The following ZBTB7C variants were observed in gnomAD, a reference collection of about 807,000 sequenced individuals.
ZBTB7C encodes the protein zinc finger and BTB domain-containing protein 7C.
A neutral mutation model predicts 25.7 loss-of-function variants in ZBTB7C; 8 were observed. The observed-to-expected ratio is 0.31, with a 90% CI of 0.18 to 0.56. ZBTB7C has a LOEUF of 0.56. ZBTB7C is among the 20% of genes least tolerant of loss of function. The pLI is 0.91. For synonymous variants in ZBTB7C, 394 were observed against 369.0 expected (o/e 1.07, Z -0.78); for missense variants, 824 against 855.2 (o/e 0.96, Z 0.46).
intron 1 of ZBTB7C, among the ~76,000 whole-genome samples, chr18:48,348,973 A>C (rs940791015): frequency 7.2e-5 from 11 of 152,114 alleles, no homozygotes; most frequent in African/African-American, 2.7e-4. Context: ...ACACACACAC[A>C]TGCATCTGGC....
At chr18:48,265,556 G>A (rs911272523) in intron 2 of ZBTB7C, among the ~76,000 whole-genome samples, 1 of 152,176 alleles carries the variant, frequency 6.6e-6, no homozygotes, top group Admixed American at 6.5e-5. Context: ...TGCAGGCAAA[G>A]CACTGAGCCC....
rs776489177 is a variant in ZBTB7C, at chr18:48,040,120, C to T, written c.988G>A (p.Asp330Asn). The T allele has an allele frequency of 8.1e-6, 13 of 1,597,232 alleles. No individual in the cohort carries two copies. The highest frequency in any genetic ancestry group is 4.5e-5 in the East Asian group (2 of 44,778). Residue 330 changes from aspartate (D) to asparagine (N), a missense_variant, in exon 4 of 5, where the codon GAC (aspartate) becomes AAC (asparagine). By Grantham distance (23) the Asp-to-Asn change is conservative. Transcript: ENST00000590800. ...AGGAAGTTGAGATAGGCACCGTAGTCGTTCTCCGCCTTGATGGGTCCCAGA... is the reference window on the plus strand; with the variant it reads ...AGGAAGTTGAGATAGGCACCGTAGTTGTTCTCCGCCTTGATGGGTCCCAGA... ...GPLGPIKAENDYGAYLNFLSA... is the reference protein window; with the variant it reads ...GPLGPIKAENNYGAYLNFLSA...
At chr18:48,212,257 C>T (rs1020178202) in intron 2 of ZBTB7C, among the ~76,000 whole-genome samples, 3 of 151,968 alleles carry the variant, frequency 2.0e-5, no homozygotes, top group Admixed American at 6.6e-5. Context: ...ACTATATGAT[C>T]CTAACTATAT....
intron 3 of ZBTB7C, among the ~76,000 whole-genome samples, chr18:48,122,707 A>G (rs908315084): frequency 6.6e-6 from 1 of 152,206 alleles, no homozygotes; most frequent in Non-Finnish European, 1.5e-5. Flanking sequence ...TGGCCTTCCC[A>G]GTGAATGAAC....
intron 2 of ZBTB7C, among the ~76,000 whole-genome samples, chr18:48,230,115 T>C (rs2043213435): frequency 6.6e-6 from 1 of 152,226 alleles, no homozygotes; most frequent in South Asian, 2.1e-4. Context: ...ATCATTAATG[T>C]TTCTTTGTGC....
In ZBTB7C at chr18:48,069,361, C is replaced by A. The variant is rs2037457429; in HGVS notation, c.-16-28238G>T. Among the ~76,000 whole-genome samples, 4 of 152,240 alleles carry A rather than the reference C, an allele frequency of 2.6e-5. No homozygotes were observed. In the South Asian group the frequency reaches 8.3e-4, roughly 31 times the overall value. ...CTTTGAAAGATCTCCCGATTCTTCTCTTCCCTCTGCGGTCTCTCATCACTG... is the reference window on the plus strand; with the variant it reads ...CTTTGAAAGATCTCCCGATTCTTCTATTCCCTCTGCGGTCTCTCATCACTG... On this transcript the variant is annotated intron_variant, in intron 3 of 4. Coordinates refer to ENST00000590800, the MANE Select transcript of ZBTB7C (RefSeq NM_001318841.2).
In ZBTB7C at chr18:48,327,569, C is replaced by T. The variant is rs113993918; in HGVS notation, c.-79+10605G>A. 5.7e-3 allele frequency among the ~76,000 whole-genome samples: 864 copies of T among 152,312 alleles called. 4 individuals carry two copies. Among genetic ancestry groups the T allele is most frequent in the African/African-American group, 0.02 (821 of 41,584 alleles). On this transcript the variant is annotated intron_variant, in intron 2 of 4. Transcript: ENST00000590800. ...TCCTCACTGTTCCCAGTCTCGATCC[C>T]AGCTTTGGCCCTAGTGCCAAAGCTC...
chr18:48,125,155 G>A (rs910563690), intron 3 of ZBTB7C, among the ~76,000 whole-genome samples: 1 of 152,220 alleles, frequency 6.6e-6, no homozygotes, highest in Non-Finnish European at 1.5e-5. Flanking sequence ...CAGCTCAGAG[G>A]ACAGCTATGA....
At position 48,293,522 on chromosome 18, in the gene ZBTB7C, C is replaced by G. The variant is rs527998979; in HGVS notation, c.-79+44652G>C. ...GCAGCATCTCCCACCCAATTCCCTT[C>G]TCTTTTTGACACAATTTAAATCTGG... On this transcript the variant is annotated intron_variant, in intron 2 of 4. Transcript: ENST00000590800. Among the ~76,000 whole-genome samples, 6 of 152,336 alleles carry G rather than the reference C, an allele frequency of 3.9e-5. No homozygotes were observed. In the East Asian group the frequency reaches 1.2e-3, roughly 29 times the overall value.
intron 3 of ZBTB7C, among the ~76,000 whole-genome samples, chr18:48,179,252 T>A (rs1282645075): frequency 1.3e-5 from 2 of 152,166 alleles, no homozygotes; most frequent in Non-Finnish European, 2.9e-5. Flanking sequence ...GAGGCTTGTC[T>A]TTTCTGAGGA....
chr18:48,232,196 C>T (rs1036650968), intron 2 of ZBTB7C, among the ~76,000 whole-genome samples: 2 of 152,198 alleles, frequency 1.3e-5, no homozygotes, highest in African/African-American at 4.8e-5. Flanking sequence ...CTCCAAGGAT[C>T]CTGAGACAAT....
At chr18:48,087,725 T>C (rs1023576121) in intron 3 of ZBTB7C, 2 of 151,520 alleles carry the variant, frequency 1.3e-5, no homozygotes, top group East Asian at 3.9e-4. Context: ...AGCCCAAGAG[T>C]TTGAGGCTGC....
intron 1 of ZBTB7C, among the ~76,000 whole-genome samples, chr18:48,405,369 A>AG (rs1324890412): frequency 1.3e-5 from 2 of 152,180 alleles, no homozygotes; most frequent in Admixed American, 1.3e-4. Context: ...TTGGAGTCAG[A>AG]GGGAACCACA....
At chr18:48,157,845 A>G (rs1242914005) in intron 3 of ZBTB7C, among the ~76,000 whole-genome samples, 1 of 152,050 alleles carries the variant, frequency 6.6e-6, no homozygotes, top group Non-Finnish European at 1.5e-5. Flanking sequence ...TGCCTCTGCA[A>G]CTCCCAAACC....
chr18:48,245,092 G>T, intron 2 of ZBTB7C, among the ~76,000 whole-genome samples: 1 of 126,334 alleles, frequency 7.9e-6, no homozygotes, highest in East Asian at 2.2e-4. Flanking sequence ...GTGTGTGTGT[G>T]TATATATATA....
chr18:48,392,763 A>C (rs938057420), intron 1 of ZBTB7C, among the ~76,000 whole-genome samples: 1 of 152,210 alleles, frequency 6.6e-6, no homozygotes, highest in African/African-American at 2.4e-5. Context: ...AGTGCTTTGC[A>C]AGAAACCTAT....
intron 3 of ZBTB7C, among the ~76,000 whole-genome samples, chr18:48,115,635 A>G (rs111850279): frequency 2.0e-5 from 3 of 152,166 alleles, no homozygotes; most frequent in African/African-American, 7.2e-5. Flanking sequence ...AGTTGTTTCT[A>G]CCTTTTGGCT....
chr18:48,236,474 TA>T (rs2043382322), intron 2 of ZBTB7C, among the ~76,000 whole-genome samples: 1 of 152,178 alleles, frequency 6.6e-6, no homozygotes, highest in Admixed American at 6.5e-5. Context: ...AGGCACCACC[TA>T]AAACCCACGC....
At chr18:48,411,663 G>T (rs1568433657), upstream of ZBTB7C, among the ~76,000 whole-genome samples, 1 of 152,218 alleles carries the variant, frequency 6.6e-6, no homozygotes, top group Non-Finnish European at 1.5e-5. Flanking sequence ...GCAGGAAATA[G>T]AAATGTAGTT....
Sources: allele counts gnomAD v4.1 joint callset (sites outside exome capture counted in the v4.1 genomes callset), GRCh38; gene constraint gnomAD v4.1.1; transcripts MANE v1.5; gene names NCBI Gene and HGNC (gene_info 2026-07-23, HGNC 2026-07-21).